The following WDR37 variants were observed in gnomAD, a reference collection of about 807,000 sequenced individuals.
The protein encoded by WDR37 is WD repeat-containing protein 37.
WDR37 carries 19 observed loss-of-function variants against 62.9 expected under a neutral mutation model. That is an observed-to-expected ratio of 0.30 (90% CI 0.21 to 0.44). The LOEUF (loss-of-function observed/expected upper bound fraction) is 0.44, where lower values mean the gene tolerates loss of function less well. Among genes scored for constraint, WDR37 ranks in the 20% least tolerant of loss-of-function variants. The probability of loss-of-function intolerance (pLI) is 1.00; values close to 1 mark genes in which losing one functional copy is unlikely to be tolerated. For missense variants in WDR37, 474 were observed against 657.6 expected, an observed-to-expected ratio of 0.72 and a Z score of 3.05; for synonymous variants, 250 against 260.9, an observed-to-expected ratio of 0.96 and a Z score of 0.40.
At chr10:1,120,464 G>A (rs1266662026) in intron 11 of WDR37, among the ~76,000 whole-genome samples, 2 of 152,222 alleles carry the variant, frequency 1.3e-5, no homozygotes, top group African/African-American at 2.4e-5. Context: ...TGTTGGCGAC[G>A]CAGGTGTTGT....
At chr10:1,093,182 T>C (rs1458939993) in intron 7 of WDR37, among the ~76,000 whole-genome samples, 1 of 152,240 alleles carries the variant, frequency 6.6e-6, no homozygotes, top group East Asian at 1.9e-4. Flanking sequence ...TAGCTAAAAA[T>C]GACATCTTTG....
At chr10:1,118,801 C>T (rs539584136) in intron 11 of WDR37, among the ~76,000 whole-genome samples, 2 of 152,330 alleles carry the variant, frequency 1.3e-5, no homozygotes, top group East Asian at 1.9e-4. Context: ...CGCACTGCCA[C>T]GCTGTCTCCC....
chr10:1,061,181 T>A (rs1833360937), intron 1 of WDR37, among the ~76,000 whole-genome samples: 1 of 152,226 alleles, frequency 6.6e-6, no homozygotes, highest in Non-Finnish European at 1.5e-5. Flanking sequence ...GTAGTAGCTC[T>A]TCAGCCTCTG....
intron 9 of WDR37, 124 bp downstream of exon 9, chr10:1,096,370 AC>A (rs1834576655): frequency 1.9e-6 from 2 of 1,029,648 alleles, no homozygotes; most frequent in Non-Finnish European, 1.5e-6. Flanking sequence ...TGAAGGCCTC[AC>A]CCCCGGTATG....
intron 3 of WDR37, among the ~76,000 whole-genome samples, chr10:1,078,268 A>G (rs1318262548): frequency 6.6e-6 from 1 of 152,246 alleles, no homozygotes; most frequent in Non-Finnish European, 1.5e-5. Flanking sequence ...CACCAAGTAC[A>G]CCATAAATTG....
chr10:1,125,646 G>C (rs916722964), intron 13 of WDR37, among the ~76,000 whole-genome samples: 4 of 152,186 alleles, frequency 2.6e-5, no homozygotes, highest in African/African-American at 9.7e-5. Flanking sequence ...AGCCGTCTTA[G>C]ATGTCTGCAG....
intron 11 of WDR37, among the ~76,000 whole-genome samples, chr10:1,120,800 GT>G (rs1554826058): frequency 6.6e-6 from 1 of 150,712 alleles, no homozygotes; most frequent in Non-Finnish European, 1.5e-5. Context: ...ACATCGTGTC[GT>G]CTTTTCCTTA....
chr10:1,126,346 C>A (rs528582975), intron 13 of WDR37, among the ~76,000 whole-genome samples: 3 of 149,826 alleles, frequency 2.0e-5, no homozygotes, highest in East Asian at 2.0e-4. Context: ...GCGGAGCTTG[C>A]AGTGAGCTGA....
At chr10:1,087,176 T>C (rs1335985696) in intron 7 of WDR37, among the ~76,000 whole-genome samples, 1 of 152,238 alleles carries the variant, frequency 6.6e-6, no homozygotes, top group African/African-American at 2.4e-5. Flanking sequence ...CCTGGACATT[T>C]CCCCTTAGTG....
Position 1,103,826 on chromosome 10 carries a change from C to T in WDR37, c.951C>T (p.His317=). 6.2e-7 allele frequency: 1 copy of T among 1,614,078 alleles called. No homozygotes were observed. The highest frequency in any genetic ancestry group is 8.5e-7 in the Non-Finnish European group (1 of 1,179,920). The change falls in exon 10 of 14, where the codon CAC becomes CAT. Residue 317 remains histidine, a synonymous_variant. Coordinates refer to ENST00000263150, the MANE Select transcript of WDR37 (RefSeq NM_014023.4). The surrounding 1 kb of genome is among the most constrained non-coding windows in gnomAD (Gnocchi z 6.3). The part of the protein sequence containing the change: ...LYDVETSELV[H]SLTGHDQELT... ...ACGTGGAGACGTCCGAGCTCGTTCA[C>T]TCTCTGACAGGTGCCTGGGTTCTCT...
At chr10:1,060,186 G>T (rs1414569742) in intron 1 of WDR37, among the ~76,000 whole-genome samples, 1 of 152,222 alleles carries the variant, frequency 6.6e-6, no homozygotes, top group African/African-American at 2.4e-5. Context: ...TGCTAACACA[G>T]TGTGTTTATG....
chr10:1,101,689 C>T (rs1305825607), intron 9 of WDR37, among the ~76,000 whole-genome samples: 1 of 152,106 alleles, frequency 6.6e-6, no homozygotes, highest in Non-Finnish European at 1.5e-5. Flanking sequence ...TTCCAGTCTC[C>T]CGGGATTACA....
At chr10:1,083,792 C>A (rs751084062) in intron 5 of WDR37, among the ~76,000 whole-genome samples, 1 of 152,222 alleles carries the variant, frequency 6.6e-6, no homozygotes, top group Non-Finnish European at 1.5e-5. Flanking sequence ...GGCCTACGGC[C>A]GCGCTGCCCT....
intron 1 of WDR37, among the ~76,000 whole-genome samples, chr10:1,064,109 G>A (rs962827108): frequency 2.6e-5 from 4 of 152,096 alleles, no homozygotes; most frequent in South Asian, 2.1e-4. Context: ...GAAAATACAG[G>A]ATGTAAAAAA....
At chr10:1,099,147 C>T (rs538812733) in intron 9 of WDR37, among the ~76,000 whole-genome samples, 1 of 152,314 alleles carries the variant, frequency 6.6e-6, no homozygotes, top group East Asian at 1.9e-4. Context: ...TTACTGTTTG[C>T]CTTGTGCTCT....
chr10:1,125,019 C>T lies in WDR37; in HGVS notation c.1348C>T (p.Arg450Ter), dbSNP rs931802643. 4 of 1,613,888 alleles carry T rather than the reference C, an allele frequency of 2.5e-6. No homozygotes were observed. Among genetic ancestry groups the T allele is most frequent in the Admixed American group, 1.7e-5 (1 of 59,986 alleles). The change falls in exon 13 of 14, where the codon CGA (arginine) becomes TGA (stop). Residue 450 changes from arginine to a stop codon, truncating the protein, a stop_gained. Coordinates refer to ENST00000263150, the MANE Select transcript of WDR37 (RefSeq NM_014023.4). LOFTEE classifies it high-confidence loss of function. ...VRLARLPRSS[R>*]QGHRRMVCCS... Reference sequence around the variant, plus strand: ...CCTGGCGCGGCTTCCCCGGAGCAGCCGACAGGTAACAGCACGGTCGGTGAA... The same window carrying T: ...CCTGGCGCGGCTTCCCCGGAGCAGCTGACAGGTAACAGCACGGTCGGTGAA...
rs976868195 is a variant in WDR37, at chr10:1,105,496, A to G, written c.1103+229A>G. On this transcript the variant is annotated intron_variant, in intron 11 of 13. Transcript: ENST00000263150. The surrounding 1 kb of genome is among the most constrained non-coding windows in gnomAD (Gnocchi z 5.3). ...AGGCACCCTCCGAAGTTCTCTCAAGAAGTTTAATGCAGACAGAATGGGGGA... is the reference window on the plus strand; with the variant it reads ...AGGCACCCTCCGAAGTTCTCTCAAGGAGTTTAATGCAGACAGAATGGGGGA... Among the ~76,000 whole-genome samples the G allele has an allele frequency of 3.5e-4, 53 of 152,198 alleles. 1 individual carries two copies. Among genetic ancestry groups the G allele is most frequent in the Non-Finnish European group, 4.4e-5 (3 of 68,032 alleles).
chr10:1,118,955 C>CT (rs991387334), intron 11 of WDR37, among the ~76,000 whole-genome samples: 2 of 152,212 alleles, frequency 1.3e-5, no homozygotes, highest in African/African-American at 4.8e-5. Context: ...ACTGATTTCT[C>CT]TTACTTACTG....
At chr10:1,117,857 C>G (rs531474866) in intron 11 of WDR37, among the ~76,000 whole-genome samples, 1 of 152,170 alleles carries the variant, frequency 6.6e-6, no homozygotes, top group South Asian at 2.1e-4. Context: ...ATCTGCGCTG[C>G]GTGCACTCAG....
Sources: gnomAD v4.1 joint callset for allele counts (sites outside exome capture counted in the v4.1 genomes callset) on GRCh38, gnomAD v4.1.1 for gene constraint, Gnocchi (gnomAD v3.1) non-coding constraint, MANE v1.5 for transcripts, NCBI Gene and HGNC (gene_info 2026-07-23, HGNC 2026-07-21) for gene names.